CDH8: variants seen among roughly 807,000 people sequenced by gnomAD.
CDH8 encodes cadherin-8.
In CDH8, 17 loss-of-function variants were observed where a neutral mutation model predicts 68.1. The observed-to-expected ratio is 0.25, with a 90% CI of 0.17 to 0.37. The LOEUF is 0.37. Among genes scored for constraint, CDH8 ranks in the 10% least tolerant of loss-of-function variants. The pLI, the probability that CDH8 is intolerant of heterozygous loss-of-function variation, is 1.00. For missense variants in CDH8, 763 were observed against 999.3 expected, an observed-to-expected ratio of 0.76 and a Z score of 3.19; for synonymous variants, 372 against 365.1, an observed-to-expected ratio of 1.02 and a Z score of -0.21.
chr16:62,031,713 G>A (rs770494315), intron 1 of CDH8, among the ~76,000 whole-genome samples: 11 of 150,588 alleles, frequency 7.3e-5, no homozygotes, highest in Admixed American at 4.0e-4. Flanking sequence ...ATCCAAGCAA[G>A]AGGATGGATA....
intron 8 of CDH8, among the ~76,000 whole-genome samples, chr16:61,770,286 A>T (rs1960745102): frequency 6.6e-6 from 1 of 151,918 alleles, no homozygotes; most frequent in Non-Finnish European, 1.5e-5. Flanking sequence ...GATATCATTT[A>T]ATGTTACAGA....
rs1452549523 is a variant in CDH8 at position 61,960,350 on chromosome 16, T to TGTGTGTATACACACATATATAC, written c.253-58878_253-58877insGTATATATGTGTGTATACACAC. Among the ~76,000 whole-genome samples the TGTGTGTATACACACATATATAC allele has an allele frequency of 2.2e-4, 14 of 62,436 alleles. 3 individuals carry two copies. Among genetic ancestry groups the TGTGTGTATACACACATATATAC allele is most frequent in the Admixed American group, 4.7e-4 (3 of 6,350 alleles). 41.0% of individuals were successfully genotyped at this position (62,436 alleles called of 152,430 possible). ...GTGTGTATACACACATATATACATG[T>TGTGTGTATACACACATATATAC]GTGTGTGTATACACATACATATATA... On this transcript the variant is annotated intron_variant, in intron 2 of 11. Transcript: ENST00000577390.
At chr16:61,883,346 C>G (rs1963612888) in intron 3 of CDH8, among the ~76,000 whole-genome samples, 1 of 151,924 alleles carries the variant, frequency 6.6e-6, no homozygotes, top group African/African-American at 2.4e-5. Flanking sequence ...GATAATATAT[C>G]AATTTTATTA....
chr16:61,847,829 G>A (rs142939775), intron 4 of CDH8, among the ~76,000 whole-genome samples: 8 of 151,268 alleles, frequency 5.3e-5, no homozygotes, highest in African/African-American at 1.9e-4. Flanking sequence ...AAAGATTACT[G>A]TCTATATCTA....
At chr16:62,016,534 C>T (rs375822142) in intron 2 of CDH8, among the ~76,000 whole-genome samples, 1 of 152,188 alleles carries the variant, frequency 6.6e-6, no homozygotes, top group East Asian at 1.9e-4. Flanking sequence ...AAAACCACCA[C>T]AGGTTTTCTC....
At chr16:62,021,050 C>T in intron 2 of CDH8, 102 bp downstream of exon 2, 2 of 1,028,062 alleles carry the variant, frequency 1.9e-6, no homozygotes, top group Non-Finnish European at 2.9e-6. Context: ...CTGGCTTGAA[C>T]AATTTACAGC....
intron 7 of CDH8, among the ~76,000 whole-genome samples, chr16:61,807,797 A>G (rs749031468): frequency 6.6e-6 from 1 of 152,176 alleles, no homozygotes; most frequent in Non-Finnish European, 1.5e-5. Flanking sequence ...ACTGATTCCA[A>G]AGGAAACTAC....
rs560066080 is a variant in CDH8, at chr16:61,882,279, G to A, written c.547+18900C>T. Among the ~76,000 whole-genome samples, 10 of 152,262 alleles carry A rather than the reference G, an allele frequency of 6.6e-5. 1 individual carries two copies. In the South Asian group the frequency reaches 1.9e-3, roughly 28 times the overall value. On this transcript the variant is annotated intron_variant, in intron 3 of 11. Transcript: ENST00000577390. ...TCCAATATTTAAAATAATCATACACGTTTCCATGCATTTGCCTGCTTGCTC... is the reference window on the plus strand; with the variant it reads ...TCCAATATTTAAAATAATCATACACATTTCCATGCATTTGCCTGCTTGCTC...
intron 3 of CDH8, among the ~76,000 whole-genome samples, chr16:61,885,174 T>C (rs555476554): frequency 6.6e-6 from 1 of 152,292 alleles, no homozygotes; most frequent in Non-Finnish European, 1.5e-5. Context: ...ATCTATGCTG[T>C]TAGAAGTCAG....
At chr16:61,932,693 T>C (rs1055415483) in intron 2 of CDH8, among the ~76,000 whole-genome samples, 9 of 152,188 alleles carry the variant, frequency 5.9e-5, no homozygotes, top group African/African-American at 1.9e-4. Context: ...GTCAGAGTTG[T>C]TTCCTGTCTT....
At chr16:61,881,549 C>G (rs556985448) in intron 3 of CDH8, among the ~76,000 whole-genome samples, 5 of 152,096 alleles carry the variant, frequency 3.3e-5, no homozygotes, top group Non-Finnish European at 5.9e-5. Context: ...AAGATGCGCA[C>G]TGATGTTTAT....
intron 2 of CDH8, among the ~76,000 whole-genome samples, chr16:61,943,003 T>G (rs977407962): frequency 1.3e-5 from 2 of 152,176 alleles, no homozygotes; most frequent in Non-Finnish European, 2.9e-5. Flanking sequence ...GAGGTTGCAG[T>G]GAGCTGAGAT....
intron 8 of CDH8, among the ~76,000 whole-genome samples, chr16:61,746,016 TGGG>T (rs1960012454): frequency 6.6e-6 from 1 of 152,118 alleles, no homozygotes; most frequent in Admixed American, 6.6e-5. Flanking sequence ...TTCAGAATTA[TGGG>T]GATTAATTTA....
chr16:61,866,345 G>A (rs921931155), intron 3 of CDH8, among the ~76,000 whole-genome samples: 1 of 152,128 alleles, frequency 6.6e-6, no homozygotes, highest in African/African-American at 2.4e-5. Context: ...GATGCAAAGG[G>A]TATAAGAATA....
rs371404198 is a variant in CDH8, at chr16:61,971,555, C to T, written c.252+49597G>A. On this transcript the variant is annotated intron_variant, in intron 2 of 11. Coordinates refer to ENST00000577390, the MANE Select transcript of CDH8 (RefSeq NM_001796.5). ...TCTGGGCACGCCACCCTGCAGGAAC[C>T]TCCATGTGTTCAGCTCTCTGGAAGC... 1.7e-4 allele frequency among the ~76,000 whole-genome samples: 26 copies of T among 152,324 alleles called. No homozygotes were observed. The South Asian group carries it at 5.2e-3, about 30-fold the overall frequency.
chr16:61,734,789 T>C (rs949634736), intron 8 of CDH8, among the ~76,000 whole-genome samples: 1 of 152,104 alleles, frequency 6.6e-6, no homozygotes, highest in Non-Finnish European at 1.5e-5. Context: ...TCAAAAAAAT[T>C]ATGACTTTTT....
chr16:61,829,254 C>T (rs1348761492), intron 4 of CDH8, among the ~76,000 whole-genome samples: 1 of 151,790 alleles, frequency 6.6e-6, no homozygotes, highest in Admixed American at 6.6e-5. Context: ...TAACTGCCAC[C>T]TTCCTTTGTT....
chr16:61,664,851 C>T (rs910526722), intron 10 of CDH8, among the ~76,000 whole-genome samples: 8 of 151,922 alleles, frequency 5.3e-5, no homozygotes, highest in African/African-American at 1.9e-4. Flanking sequence ...ACAATTATCT[C>T]CTATAGTTAG....
chr16:61,860,690 A>C (rs1044705372), intron 3 of CDH8, among the ~76,000 whole-genome samples: 4 of 152,216 alleles, frequency 2.6e-5, no homozygotes, highest in Non-Finnish European at 5.9e-5. Flanking sequence ...AATGAATCTG[A>C]GAATTTAGTT....
Sources: allele counts gnomAD v4.1 joint callset (sites outside exome capture counted in the v4.1 genomes callset), GRCh38; gene constraint gnomAD v4.1.1; transcripts MANE v1.5; gene names NCBI Gene and HGNC (gene_info 2026-07-23, HGNC 2026-07-21).